Variants in ADAMTS15 observed in about 807,000 individuals in gnomAD.
ADAMTS15 encodes the protein A disintegrin and metalloproteinase with thrombospondin motifs 15.
In ADAMTS15, 35 loss-of-function variants were observed where a neutral mutation model predicts 79.1. The ratio of observed to expected loss-of-function variants is 0.44; its 90% CI spans 0.34 to 0.59. The LOEUF is 0.59. ADAMTS15 is among the 20% of genes least tolerant of loss of function. The pLI is 0.02. For synonymous variants in ADAMTS15, 616 were observed against 567.3 expected (o/e 1.09, Z -1.22); for missense variants, 1,324 against 1,318.7 (o/e 1.00, Z -0.06).
Position 130,462,919 on chromosome 11 carries a change from C to A in ADAMTS15, c.1542+139C>A, listed in dbSNP as rs1389479527. ...GGACCAGCACTGTTGCATGGCTGAG[C>A]TGTGCCTTCACTGCCCTGTATATAG... On this transcript the variant is annotated intron_variant, in intron 4 of 7. Coordinates refer to ENST00000299164, the MANE Select transcript of ADAMTS15 (RefSeq NM_139055.4). This position sits in a 1 kb window ranked among gnomAD's most constrained non-coding sequence, Gnocchi z 4.3. 1.4e-5 allele frequency: 17 copies of A among 1,198,876 alleles called. No individual in the cohort carries two copies. Among genetic ancestry groups the A allele is most frequent in the Non-Finnish European group, 1.7e-5 (15 of 862,684 alleles). 74.3% of individuals were successfully genotyped at this position (1,198,876 alleles called of 1,614,324 possible). A position where few individuals can be genotyped will look rare whatever the true frequency, so the allele number is the denominator to read the frequency against.
rs574069981 is a variant in ADAMTS15 at position 130,449,888 on chromosome 11, G to C, written c.915G>C (p.Lys305Asn). 3.1e-6 allele frequency: 5 copies of C among 1,601,740 alleles called. No individual in the cohort carries two copies. The African/African-American group carries it at 5.3e-5, about 17-fold the overall frequency. Reference protein sequence around the residue: ...WQKKLNKVSDKHPEYWDTAIL... With the variant: ...WQKKLNKVSDNHPEYWDTAIL... Reference sequence around the variant, plus strand: ...AGAAGCTGAACAAAGTGAGTGACAAGCACCCCGAGTACTGGGACACTGCCA... The same window carrying C: ...AGAAGCTGAACAAAGTGAGTGACAACCACCCCGAGTACTGGGACACTGCCA... Residue 305 changes from lysine (K) to asparagine (N), a missense_variant, in exon 1 of 8, where the codon AAG becomes AAC. Transcript: ENST00000299164. This position sits in a 1 kb window ranked among gnomAD's most constrained non-coding sequence, Gnocchi z 7.8.
chr11:130,453,915 G>A (rs1335252747), intron 1 of ADAMTS15, among the ~76,000 whole-genome samples: 1 of 152,070 alleles, frequency 6.6e-6, no homozygotes, highest in Non-Finnish European at 1.5e-5. Context: ...TCTCACCTCA[G>A]TCTCCCAAGT....
At chr11:130,457,909 G>A (rs1227236222) in intron 1 of ADAMTS15, among the ~76,000 whole-genome samples, 2 of 152,164 alleles carry the variant, frequency 1.3e-5, no homozygotes, top group South Asian at 2.1e-4. Context: ...CAGTGAAGAC[G>A]CTGGTTACTG....
rs78899466 is a variant in ADAMTS15, at chr11:130,454,451, A to C, written c.957+4521A>C. Among the ~76,000 whole-genome samples, 411 of 152,364 alleles carry C rather than the reference A, an allele frequency of 2.7e-3. 1 individual carries two copies. Among genetic ancestry groups the C allele is most frequent in the African/African-American group, 9.2e-3 (384 of 41,576 alleles). ...CTTTTGGTGATAAAGCACTTGTCAT[A>C]GGGCAGTGATATTTAGTGTTCAGAT... On this transcript the variant is annotated intron_variant, in intron 1 of 7. Transcript: ENST00000299164.
At chr11:130,452,054 C>T (rs1937973335) in intron 1 of ADAMTS15, among the ~76,000 whole-genome samples, 1 of 152,156 alleles carries the variant, frequency 6.6e-6, no homozygotes, top group African/African-American at 2.4e-5. Context: ...AACCCCTCTT[C>T]CCCACCTCCT....
In ADAMTS15 at chr11:130,449,353, T is replaced by C; in HGVS notation, c.380T>C (p.Phe127Ser). 1 of 1,607,044 alleles carries C rather than the reference T, an allele frequency of 6.2e-7. No individual in the cohort carries two copies. The highest frequency in any genetic ancestry group is 8.5e-7 in the Non-Finnish European group (1 of 1,179,954). Residue 127 changes from phenylalanine to serine, a missense_variant, in exon 1 of 8, where the codon TTT (phenylalanine) becomes TCT (serine). By Grantham distance (155) the Phe-to-Ser change is radical (BLOSUM62 -2). Transcript: ENST00000299164. The surrounding 1 kb of genome is among the most constrained non-coding windows in gnomAD (Gnocchi z 7.8). ...CTGTGCGGGGGGCTCCGCGGAGCCT[T>C]TGGCTACCGAGGCGCCGAGTATGTC... is the stretch of plus-strand genomic sequence containing the variant. ...VSLCGGLRGAFGYRGAEYVIS... is the reference protein window; with the variant it reads ...VSLCGGLRGASGYRGAEYVIS...
At position 130,448,995 on chromosome 11, in the gene ADAMTS15, AC is replaced by A; in HGVS notation, c.25del (p.Leu9TrpfsTer17). MLLLGIL[T>X]LAFAGRTAGG... ...CGCCATGCTTCTGCTGGGCATCCTA[AC>A]CCTGGCTTTCGCCGGGCGAACCGCT... is the stretch of plus-strand genomic sequence containing the variant. On this transcript the variant is annotated frameshift_variant, in exon 1 of 8. Coordinates refer to ENST00000299164, the MANE Select transcript of ADAMTS15 (RefSeq NM_139055.4). LOFTEE classifies it high-confidence loss of function. The A allele has an allele frequency of 2.0e-6, 3 of 1,508,516 alleles. No homozygotes were observed. The highest frequency in any genetic ancestry group is 2.7e-6 in the Non-Finnish European group (3 of 1,128,868). 93.4% of individuals were successfully genotyped at this position (1,508,516 alleles called of 1,614,324 possible). A position where few individuals can be genotyped will look rare whatever the true frequency, so the allele number is the denominator to read the frequency against.
rs754218649 is a variant in ADAMTS15, at chr11:130,462,626, A to G, written c.1388A>G (p.Gln463Arg). 6.8e-6 allele frequency: 11 copies of G among 1,613,892 alleles called. No homozygotes were observed. The East Asian group carries it at 1.8e-4, about 26-fold the overall frequency. The stretch of plus-strand genomic sequence containing the variant: ...GGCTCCAAGCCCTGTCCTTACATGC[A>G]GTACTGCACCAAGCTGTGGTGCACC... ...GVGSKPCPYMQYCTKLWCTGK... is the reference protein window; with the variant it reads ...GVGSKPCPYMRYCTKLWCTGK... Residue 463 changes from glutamine to arginine, a missense_variant, in exon 4 of 8, where the codon CAG becomes CGG. Coordinates refer to ENST00000299164, the MANE Select transcript of ADAMTS15 (RefSeq NM_139055.4). This position sits in a 1 kb window ranked among gnomAD's most constrained non-coding sequence, Gnocchi z 4.3.
At chr11:130,470,154 G>GTATATATATATATATATATATATGTGTA in intron 5 of ADAMTS15, among the ~76,000 whole-genome samples, 2 of 55,556 alleles carry the variant, frequency 3.6e-5, no homozygotes, top group South Asian at 4.8e-4. Flanking sequence ...ATATATATGT[G>GTATATATATATATATATATATATGTGTA]TATATATATA....
In ADAMTS15 at chr11:130,449,281, A is replaced by G. The variant is rs757308136; in HGVS notation, c.308A>G (p.Tyr103Cys). ...TCTTCAGACCTGCGACGCTGCTTCT[A>G]TTCTGGGGACGTGAACGCCGAGCCG... ...GGSSDLRRCFYSGDVNAEPDS... is the reference protein window; with the variant it reads ...GGSSDLRRCFCSGDVNAEPDS... The change falls in exon 1 of 8, where the codon TAT (tyrosine) becomes TGT (cysteine). Residue 103 changes from tyrosine to cysteine, a missense_variant. Tyr to Cys is a radical substitution (Grantham distance 194, BLOSUM62 -2). Coordinates refer to ENST00000299164, the MANE Select transcript of ADAMTS15 (RefSeq NM_139055.4). This position sits in a 1 kb window ranked among gnomAD's most constrained non-coding sequence, Gnocchi z 7.8. 16 of 1,612,224 alleles carry G rather than the reference A, an allele frequency of 9.9e-6. No individual in the cohort carries two copies. The South Asian group carries it at 1.6e-4, about 17-fold the overall frequency.
Position 130,448,969 on chromosome 11 carries a change from G to A in ADAMTS15, c.-5G>A, listed in dbSNP as rs1388879193. ...CCACAGCGCGGCGGTGCGCTGCCCG[G>A]CGCCATGCTTCTGCTGGGCATCCTA... On this transcript the variant is annotated 5_prime_UTR_variant, in exon 1 of 8. Transcript: ENST00000299164. 1.3e-6 allele frequency: 2 copies of A among 1,492,280 alleles called. No homozygotes were observed. Among genetic ancestry groups the A allele is most frequent in the Non-Finnish European group, 1.8e-6 (2 of 1,122,442 alleles). 92.4% of individuals were successfully genotyped at this position (1,492,280 alleles called of 1,614,324 possible).
intron 1 of ADAMTS15, among the ~76,000 whole-genome samples, chr11:130,459,024 T>A (rs1938145348): frequency 7.4e-6 from 1 of 135,788 alleles, no homozygotes; most frequent in African/African-American, 3.0e-5. Flanking sequence ...CCCTCCCAAG[T>A]GTTTTTTTTT....
rs1938548692 is a variant in ADAMTS15 at position 130,474,969 on chromosome 11, C to CA, written c.*1149dup. 1 of 152,370 alleles carries CA rather than the reference C, an allele frequency of 6.6e-6. No individual in the cohort carries two copies. Among genetic ancestry groups the CA allele is most frequent in the South Asian group, 2.1e-4 (1 of 4,838 alleles). 9.4% of individuals were successfully genotyped at this position (152,370 alleles called of 1,614,324 possible). A position where few individuals can be genotyped will look rare whatever the true frequency, so the allele number is the denominator to read the frequency against. On this transcript the variant is annotated 3_prime_UTR_variant, in exon 8 of 8. Coordinates refer to ENST00000299164, the MANE Select transcript of ADAMTS15 (RefSeq NM_139055.4). Reference sequence around the variant, plus strand: ...CTACTGCTGTCTGCCCTGGGCACGTCACGTTGCATCCTAGGCCTTAGCTTC... The same window carrying CA: ...CTACTGCTGTCTGCCCTGGGCACGTCAACGTTGCATCCTAGGCCTTAGCTTC...
At position 130,449,992 on chromosome 11, in the gene ADAMTS15, A is replaced by G; in HGVS notation, c.957+62A>G. 1 of 1,564,098 alleles carries G rather than the reference A, an allele frequency of 6.4e-7. No homozygotes were observed. The highest frequency in any genetic ancestry group is 8.6e-7 in the Non-Finnish European group (1 of 1,159,652). On this transcript the variant is annotated intron_variant, in intron 1 of 7. Transcript: ENST00000299164. The surrounding 1 kb of genome is among the most constrained non-coding windows in gnomAD (Gnocchi z 7.8). ...CCCGTTCTTTAGGGTCACCTCCCCTAGCGCTCCAAATCCCCTTTGTATCGT... is the reference window on the plus strand; with the variant it reads ...CCCGTTCTTTAGGGTCACCTCCCCTGGCGCTCCAAATCCCCTTTGTATCGT...
At chr11:130,456,906 A>G (rs564816706) in intron 1 of ADAMTS15, among the ~76,000 whole-genome samples, 1 of 152,216 alleles carries the variant, frequency 6.6e-6, no homozygotes, top group Non-Finnish European at 1.5e-5. Flanking sequence ...AGTCCGCTAC[A>G]TGAGAATGCG....
intron 4 of ADAMTS15, among the ~76,000 whole-genome samples, chr11:130,466,419 T>TGAGC (rs1447388347): frequency 6.6e-6 from 1 of 152,232 alleles, no homozygotes; most frequent in Admixed American, 6.5e-5. Context: ...TCTGTGAGAC[T>TGAGC]GAGCTCCTGG....
chr11:130,450,192 T>G, intron 1 of ADAMTS15: 1 of 985,480 alleles, frequency 1.0e-6, no homozygotes, highest in Non-Finnish European at 1.2e-6. Context: ...CAGCGCCTCC[T>G]GGATCAGGCG....
chr11:130,450,370 G>A, intron 1 of ADAMTS15: 1 of 985,496 alleles, frequency 1.0e-6, no homozygotes, highest in Non-Finnish European at 1.2e-6. Context: ...TTCAAGGGTT[G>A]TAGAACTGAA....
rs191956913 is a variant in ADAMTS15, at chr11:130,449,837, G to T, written c.864G>T (p.Thr288=). ...AGGTCACCGGCAATGCGGCCCTGAC[G>T]CTGCGCAACTTCTGTGCCTGGCAGA... is the stretch of plus-strand genomic sequence containing the variant. ...GPKVTGNAAL[T]LRNFCAWQKK... The change falls in exon 1 of 8, where the codon ACG becomes ACT. Residue 288 remains threonine (T), a synonymous_variant. Transcript: ENST00000299164. The surrounding 1 kb of genome is among the most constrained non-coding windows in gnomAD (Gnocchi z 7.8). The T allele has an allele frequency of 1.6e-4, 257 of 1,608,836 alleles. No homozygotes were observed. The East Asian group carries it at 4.5e-3, about 28-fold the overall frequency.
Sources: gnomAD v4.1 joint callset for allele counts (sites outside exome capture counted in the v4.1 genomes callset) on GRCh38, gnomAD v4.1.1 for gene constraint, Gnocchi (gnomAD v3.1) non-coding constraint, MANE v1.5 for transcripts, NCBI Gene and HGNC (gene_info 2026-07-23, HGNC 2026-07-21) for gene names.